Variants in DCK observed in about 807,000 individuals in gnomAD.
DCK encodes the protein deoxyadenosine kinase.
In DCK, 23 loss-of-function variants were observed where a neutral mutation model predicts 38.3. That is an observed-to-expected ratio of 0.60 (90% CI 0.43 to 0.85). The LOEUF is 0.85. DCK is among the 40% of genes least tolerant of loss of function. The probability of loss-of-function intolerance (pLI) is 0.00; values close to 1 mark genes in which losing one functional copy is unlikely to be tolerated. For missense variants in DCK, 259 were observed against 304.4 expected, an observed-to-expected ratio of 0.85 and a Z score of 1.11; for synonymous variants, 108 against 100.6, an observed-to-expected ratio of 1.07 and a Z score of -0.44.
chr4:70,999,102 G>A (rs778680721), intron 2 of DCK, among the ~76,000 whole-genome samples: 1 of 152,022 alleles, frequency 6.6e-6, no homozygotes, highest in Non-Finnish European at 1.5e-5. Flanking sequence ...CACATGCCAT[G>A]GTGGTTTGCT....
chr4:71,029,251 C>A, intron 6 of DCK, 101 bp from the exon 7 acceptor site: 1 of 675,046 alleles, frequency 1.5e-6, no homozygotes, highest in Non-Finnish European at 2.5e-6. Flanking sequence ...ACTTATACAG[C>A]TGGGGTCTTC....
chr4:71,022,477 A>G lies in DCK; in HGVS notation c.318A>G (p.Arg106=). Residue 106 remains arginine (R), a synonymous_variant, in exon 3 of 7, where the codon AGA becomes AGG. Transcript: ENST00000286648. The part of the protein sequence containing the change: ...FQTYACLSRI[R]AQLASLNGKL... ...CATATGCCTGTCTCAGTCGAATAAG[A>G]GCTCAGCTTGCCTCTCTGAATGGCA... 2 of 1,610,396 alleles carry G rather than the reference A, an allele frequency of 1.2e-6. No homozygotes were observed. The highest frequency in any genetic ancestry group is 1.3e-5 in the African/African-American group (1 of 74,854).
intron 2 of DCK, among the ~76,000 whole-genome samples, chr4:71,005,423 G>A (rs1739915395): frequency 6.6e-6 from 1 of 151,840 alleles, no homozygotes; most frequent in African/African-American, 2.4e-5. Context: ...CATCTTGCCT[G>A]GGAATCTAAA....
intron 2 of DCK, among the ~76,000 whole-genome samples, chr4:71,008,047 G>T (rs115372498): frequency 6.6e-6 from 1 of 152,072 alleles, no homozygotes; most frequent in Non-Finnish European, 1.5e-5. Flanking sequence ...AATTTTATTC[G>T]TCTATCACTG....
Position 70,998,196 on chromosome 4 carries a change from A to T in DCK, c.207+14A>T. 7.6e-7 allele frequency: 1 copy of T among 1,317,644 alleles called. No homozygotes were observed. The highest frequency in any genetic ancestry group is 1.5e-5 in the African/African-American group (1 of 68,578). 81.6% of individuals were successfully genotyped at this position (1,317,644 alleles called of 1,614,324 possible). On this transcript the variant is annotated intron_variant, in intron 2 of 6. Transcript: ENST00000286648. Reference sequence around the variant, plus strand: ...GATGAATTTGAGGTATGAAAATAAAATTTAAGTAGATAAAAGCCTCTTGGT... The same window carrying T: ...GATGAATTTGAGGTATGAAAATAAATTTTAAGTAGATAAAAGCCTCTTGGT...
chr4:71,010,808 T>C (rs1218105725), intron 2 of DCK, among the ~76,000 whole-genome samples: 2 of 151,292 alleles, frequency 1.3e-5, no homozygotes, highest in African/African-American at 4.8e-5. Context: ...GCATTACCCG[T>C]ACTATTTTAC....
At chr4:71,021,156 A>C (rs1198582262) in intron 2 of DCK, among the ~76,000 whole-genome samples, 2 of 149,800 alleles carry the variant, frequency 1.3e-5, no homozygotes, top group East Asian at 3.9e-4. Context: ...GCTCACTGCA[A>C]GCTCCGCTTC....
chr4:71,030,727 T>G lies in DCK; in HGVS notation c.*1349T>G, dbSNP rs1740671691. 1 of 152,140 alleles carries G rather than the reference T, an allele frequency of 6.6e-6. No homozygotes were observed. Among genetic ancestry groups the G allele is most frequent in the Non-Finnish European group, 1.5e-5 (1 of 67,982 alleles). The allele number at this position is 152,140 out of a possible 1,614,324, so 9.4% of individuals were successfully genotyped here. ...GTAATAATCATTTTAGAATTAAAAT[T>G]TATTCTACTTTTAAATAAATTATGA... On this transcript the variant is annotated 3_prime_UTR_variant, in exon 7 of 7. Coordinates refer to ENST00000286648, the MANE Select transcript of DCK (RefSeq NM_000788.3).
At chr4:71,014,486 G>A (rs965784065) in intron 2 of DCK, among the ~76,000 whole-genome samples, 25 of 152,180 alleles carry the variant, frequency 1.6e-4, no homozygotes, top group East Asian at 1.4e-3. Flanking sequence ...GCACCACATC[G>A]CACTTATTCC....
intron 2 of DCK, among the ~76,000 whole-genome samples, chr4:71,008,423 A>G (rs148334953): frequency 6.6e-6 from 1 of 152,286 alleles, no homozygotes; most frequent in East Asian, 1.9e-4. Flanking sequence ...ATTTTTGCAA[A>G]GTGCCCACTT....
chr4:71,013,564 G>A (rs891510066), intron 2 of DCK, among the ~76,000 whole-genome samples: 23 of 152,180 alleles, frequency 1.5e-4, no homozygotes, highest in African/African-American at 5.3e-4. Flanking sequence ...GGATCTCGCG[G>A]CAGAAACGCT....
chr4:70,994,784 G>A (rs1739623246), intron 1 of DCK, among the ~76,000 whole-genome samples: 1 of 152,152 alleles, frequency 6.6e-6, no homozygotes, highest in Non-Finnish European at 1.5e-5. Context: ...CCACATCCAA[G>A]TAAACATTGG....
intron 2 of DCK, among the ~76,000 whole-genome samples, chr4:71,019,823 T>C (rs1404269981): frequency 3.3e-5 from 5 of 152,166 alleles, no homozygotes; most frequent in African/African-American, 4.8e-5. Flanking sequence ...AGTCTTGCTC[T>C]GTCACCCAGG....
At chr4:71,015,037 G>A (rs889824375) in intron 2 of DCK, among the ~76,000 whole-genome samples, 26 of 152,140 alleles carry the variant, frequency 1.7e-4, no homozygotes, top group Non-Finnish European at 3.7e-4. Context: ...GACTAATAAA[G>A]AAGAAAACAG....
rs1213447870 is a variant in DCK, at chr4:70,998,148, G to A, written c.173G>A (p.Trp58Ter). ...GTGGTTCCTGAACCTGTTGCCAGAT[G>A]GTGCAATGTTCAAAGTACTCAAGAT... ...WEVVPEPVAR[W>*]CNVQSTQDEF... Residue 58 changes from tryptophan (W) to a stop codon, truncating the protein, a stop_gained, in exon 2 of 7, where the codon TGG (tryptophan) becomes TAG (stop). Transcript: ENST00000286648. LOFTEE classifies it high-confidence loss of function. 2 of 1,601,692 alleles carry A rather than the reference G, an allele frequency of 1.2e-6. No homozygotes were observed. The highest frequency in any genetic ancestry group is 2.7e-5 in the African/African-American group (2 of 74,578).
intron 2 of DCK, among the ~76,000 whole-genome samples, chr4:71,015,396 C>G (rs901738527): frequency 6.6e-6 from 1 of 152,144 alleles, no homozygotes. Flanking sequence ...CTATTCCAAT[C>G]AATAGAAAAA....
chr4:71,018,295 T>G (rs951484629), intron 2 of DCK, among the ~76,000 whole-genome samples: 1 of 151,918 alleles, frequency 6.6e-6, no homozygotes, highest in African/African-American at 2.4e-5. Flanking sequence ...CCCCGCTATT[T>G]TTTTTGGTAT....
intron 2 of DCK, among the ~76,000 whole-genome samples, chr4:71,009,293 C>T (rs1169988802): frequency 1.3e-5 from 2 of 152,156 alleles, no homozygotes; most frequent in Non-Finnish European, 2.9e-5. Context: ...TGGGAGTATA[C>T]TGAACTCTTT....
chr4:71,001,751 G>T (rs148472242), intron 2 of DCK, among the ~76,000 whole-genome samples: 37 of 152,240 alleles, frequency 2.4e-4, no homozygotes, highest in African/African-American at 8.9e-4. Flanking sequence ...ATTTCTTCCA[G>T]ATTTTCTAGT....
Sources: gnomAD v4.1 joint callset for allele counts (sites outside exome capture counted in the v4.1 genomes callset) on GRCh38, gnomAD v4.1.1 for gene constraint, MANE v1.5 for transcripts, NCBI Gene and HGNC (gene_info 2026-07-23, HGNC 2026-07-21) for gene names.